C16orf74: variants seen among roughly 807,000 people sequenced by gnomAD.
The protein encoded by C16orf74 is calcimembrin.
In C16orf74, 10 loss-of-function variants were observed where a neutral mutation model predicts 6.5. That is an observed-to-expected ratio of 1.54 (90% CI 0.95 to 2.61). C16orf74 has a LOEUF of 2.61. Among genes scored for constraint, C16orf74 ranks in the 30% most tolerant of loss-of-function variants. The pLI is 0.00. For missense variants in C16orf74, 141 were observed against 105.9 expected, an observed-to-expected ratio of 1.33 and a Z score of -1.45; for synonymous variants, 60 against 42.5, an observed-to-expected ratio of 1.41 and a Z score of -1.60.
chr16:85,715,114 G>A (rs562946334), intron 2 of C16orf74, among the ~76,000 whole-genome samples: 11 of 148,958 alleles, frequency 7.4e-5, no homozygotes, highest in Admixed American at 6.7e-5. Context: ...CCGAGATCAC[G>A]CCACTGCACT....
chr16:85,728,530 C>A (rs2152062307), intron 2 of C16orf74, among the ~76,000 whole-genome samples: 1 of 152,254 alleles, frequency 6.6e-6, no homozygotes, highest in South Asian at 2.1e-4. Context: ...CCCACCCCGC[C>A]CCCACAGAAC....
chr16:85,725,390 T>C (rs1000037634), intron 2 of C16orf74, among the ~76,000 whole-genome samples: 1 of 152,156 alleles, frequency 6.6e-6, no homozygotes, highest in South Asian at 2.1e-4. Context: ...GGCAAGGACA[T>C]TGGCTGTCAG....
At chr16:85,719,533 G>C (rs762617691) in intron 2 of C16orf74, among the ~76,000 whole-genome samples, 2 of 152,152 alleles carry the variant, frequency 1.3e-5, no homozygotes, top group Non-Finnish European at 2.9e-5. Flanking sequence ...CTGAGGCACA[G>C]AGAAGTCAGG....
At chr16:85,722,152 C>T (rs182713574) in intron 2 of C16orf74, among the ~76,000 whole-genome samples, 1 of 151,998 alleles carries the variant, frequency 6.6e-6, no homozygotes, top group African/African-American at 2.4e-5. Flanking sequence ...GTGTGAGCCA[C>T]TGTGCCCAGC....
rs1359052787 is a variant in C16orf74, at chr16:85,707,835, G to A, written c.*173C>T. ...GGGCCTGGGAAACACTGTTCTGGAA[G>A]TGGACAGGCTGGATTCCTCGCTGGT... On this transcript the variant is annotated 3_prime_UTR_variant, in exon 4 of 4. Coordinates refer to ENST00000284245, the MANE Select transcript of C16orf74 (RefSeq NM_206967.3). 3 of 608,834 alleles carry A rather than the reference G, an allele frequency of 4.9e-6. No individual in the cohort carries two copies. Among genetic ancestry groups the A allele is most frequent in the Non-Finnish European group, 8.7e-6 (3 of 344,134 alleles). The allele number at this position is 608,834 out of a possible 1,614,324, so 37.7% of individuals were successfully genotyped here.
At chr16:85,747,343 T>C (rs1342732756) in intron 1 of C16orf74, among the ~76,000 whole-genome samples, 2 of 152,056 alleles carry the variant, frequency 1.3e-5, no homozygotes, top group African/African-American at 4.8e-5. Flanking sequence ...TCCCAACTAC[T>C]TGGGGGGCTG....
chr16:85,745,139 TAAAA>T lies in C16orf74; in HGVS notation c.-19+5783_-19+5786del, dbSNP rs10554549. Among the ~76,000 whole-genome samples, 207 of 50,990 alleles carry T rather than the reference TAAAA, an allele frequency of 4.1e-3. 1 individual carries two copies. The highest frequency in any genetic ancestry group is 0.016 in the African/African-American group (182 of 11,140). The allele number at this position is 50,990 out of a possible 152,430, so 33.5% of individuals were successfully genotyped here. Reference sequence around the variant, plus strand: ...CTGGGCAACAAGACGAAACTCTGTCTAAAAAAAAAAAAAAAAAAAAAAAAAAAAA... The same window carrying T: ...CTGGGCAACAAGACGAAACTCTGTCTAAAAAAAAAAAAAAAAAAAAAAAAA... On this transcript the variant is annotated intron_variant, in intron 1 of 3. Coordinates refer to ENST00000284245, the MANE Select transcript of C16orf74 (RefSeq NM_206967.3).
intron 1 of C16orf74, among the ~76,000 whole-genome samples, chr16:85,742,392 G>A (rs2054318758): frequency 6.6e-6 from 1 of 151,952 alleles, no homozygotes; most frequent in Non-Finnish European, 1.5e-5. Context: ...AAAAGAGCCT[G>A]GCACCTTCCC....
intron 2 of C16orf74, among the ~76,000 whole-genome samples, chr16:85,729,964 C>T (rs959633074): frequency 3.9e-5 from 6 of 152,178 alleles, no homozygotes; most frequent in Admixed American, 6.5e-5. Context: ...CAGTCACGCA[C>T]GGTAGAGATG....
At chr16:85,715,871 G>C (rs2152058671) in intron 2 of C16orf74, among the ~76,000 whole-genome samples, 1 of 152,310 alleles carries the variant, frequency 6.6e-6, no homozygotes, top group East Asian at 1.9e-4. Flanking sequence ...GGGCAGGGCA[G>C]CTCCCTCTTG....
In C16orf74 at chr16:85,745,862, G is replaced by A. The variant is rs190448163; in HGVS notation, c.-19+5064C>T. 1.9e-3 allele frequency among the ~76,000 whole-genome samples: 292 copies of A among 152,296 alleles called. 2 individuals are homozygous for A. Among genetic ancestry groups the A allele is most frequent in the African/African-American group, 6.9e-3 (287 of 41,556 alleles). On this transcript the variant is annotated intron_variant, in intron 1 of 3. Coordinates refer to ENST00000284245, the MANE Select transcript of C16orf74 (RefSeq NM_206967.3). ...TTCAAAGTGGGCTCCAACGTTTGCCGATTCCCTTCAGTTACCACTTGTGTG... is the reference window on the plus strand; with the variant it reads ...TTCAAAGTGGGCTCCAACGTTTGCCAATTCCCTTCAGTTACCACTTGTGTG...
chr16:85,707,746 C>T lies in C16orf74; in HGVS notation c.*262G>A. Reference sequence around the variant, plus strand: ...GACCCCAACAGCCAGGACCATGGCGCTCCCTTTCACCAGGCCGGAGTCAGC... The same window carrying T: ...GACCCCAACAGCCAGGACCATGGCGTTCCCTTTCACCAGGCCGGAGTCAGC... On this transcript the variant is annotated 3_prime_UTR_variant, in exon 4 of 4. Coordinates refer to ENST00000284245, the MANE Select transcript of C16orf74 (RefSeq NM_206967.3). 1 of 505,190 alleles carries T rather than the reference C, an allele frequency of 2.0e-6. No homozygotes were observed. Among genetic ancestry groups the T allele is most frequent in the Non-Finnish European group, 3.5e-6 (1 of 283,188 alleles). The allele number at this position is 505,190 out of a possible 1,614,324, so 31.3% of individuals were successfully genotyped here.
intron 1 of C16orf74, among the ~76,000 whole-genome samples, chr16:85,750,550 GCC>G (rs2054425938): frequency 6.6e-6 from 1 of 152,176 alleles, no homozygotes. Context: ...TCCTGCCCCC[GCC>G]CCCCGCCGGG....
chr16:85,735,543 C>T (rs917417172), intron 1 of C16orf74, among the ~76,000 whole-genome samples: 1 of 152,196 alleles, frequency 6.6e-6, no homozygotes, highest in South Asian at 2.1e-4. Flanking sequence ...CTGCAGTGAA[C>T]TGATGATGGG....
intron 3 of C16orf74, among the ~76,000 whole-genome samples, chr16:85,708,728 C>T (rs991946549): frequency 6.6e-6 from 1 of 152,244 alleles, no homozygotes; most frequent in Non-Finnish European, 1.5e-5. Context: ...TGCACTGGCC[C>T]AACCCAGAGG....
At chr16:85,715,417 C>A (rs1310825055) in intron 2 of C16orf74, among the ~76,000 whole-genome samples, 1 of 152,142 alleles carries the variant, frequency 6.6e-6, no homozygotes, top group Non-Finnish European at 1.5e-5. Flanking sequence ...TAATATCCAC[C>A]CACAACTGAA....
intron 3 of C16orf74, 40 bp downstream of exon 3, chr16:85,710,124 C>A (rs1288025568): frequency 1.5e-6 from 2 of 1,373,910 alleles, no homozygotes; most frequent in South Asian, 3.6e-5. Context: ...ACCGGGCCCC[C>A]ACAGCCGACC....
chr16:85,708,083 A>G lies in C16orf74; in HGVS notation c.173-17T>C. 1 of 1,550,338 alleles carries G rather than the reference A, an allele frequency of 6.5e-7. No homozygotes were observed. Among genetic ancestry groups the G allele is most frequent in the Non-Finnish European group, 8.7e-7 (1 of 1,145,402 alleles). ...CCAGCCAGACTAGGAGAAAGAGGGG[A>G]TGGACACCTGGATGCACCCTGCCCC... is the stretch of plus-strand genomic sequence containing the variant. On this transcript the variant is annotated splice_polypyrimidine_tract_variant and intron_variant, in intron 3 of 3. Coordinates refer to ENST00000284245, the MANE Select transcript of C16orf74 (RefSeq NM_206967.3).
intron 2 of C16orf74, among the ~76,000 whole-genome samples, chr16:85,730,004 T>G (rs908008658): frequency 6.6e-6 from 1 of 151,948 alleles, no homozygotes; most frequent in Admixed American, 6.6e-5. Context: ...GCAGATCCCA[T>G]CCCAGCCAGC....
Sources: gnomAD v4.1 joint callset for allele counts (sites outside exome capture counted in the v4.1 genomes callset) on GRCh38, gnomAD v4.1.1 for gene constraint, MANE v1.5 for transcripts, NCBI Gene and HGNC (gene_info 2026-07-23, HGNC 2026-07-21) for gene names.